BCAR3: variants seen among roughly 807,000 people sequenced by gnomAD.
BCAR3 encodes the protein breast cancer anti-estrogen resistance protein 3.
A neutral mutation model predicts 80.1 loss-of-function variants in BCAR3; 37 were observed. The observed-to-expected ratio is 0.46, with a 90% CI of 0.36 to 0.61. BCAR3 has a LOEUF of 0.61. Ranked by LOEUF, BCAR3 falls within the 20% of genes least tolerant of loss-of-function variation. The pLI, the probability that BCAR3 is intolerant of heterozygous loss-of-function variation, is 0.00. For synonymous variants in BCAR3, 389 were observed against 418.9 expected, an observed-to-expected ratio of 0.93 and a Z score of 0.87; for missense variants, 978 against 1,068.2, an observed-to-expected ratio of 0.92 and a Z score of 1.18.
intron 2 of BCAR3, among the ~76,000 whole-genome samples, chr1:93,760,691 A>G (rs1487138592): frequency 6.6e-6 from 1 of 152,160 alleles, no homozygotes; most frequent in Non-Finnish European, 1.5e-5. Flanking sequence ...AGCTCCACTC[A>G]TGGCCAGGCT....
intron 3 of BCAR3, among the ~76,000 whole-genome samples, chr1:93,609,889 G>A (rs1019143895): frequency 2.6e-5 from 4 of 152,226 alleles, no homozygotes; most frequent in African/African-American, 9.6e-5. Flanking sequence ...CTGCCTCCCT[G>A]CAGGAGGCCA....
intron 2 of BCAR3, among the ~76,000 whole-genome samples, chr1:93,807,671 C>T (rs535309031): frequency 2.6e-5 from 4 of 152,228 alleles, no homozygotes; most frequent in South Asian, 2.1e-4. Context: ...TTAATCTTTC[C>T]TGGTTAGTTG....
intron 3 of BCAR3, among the ~76,000 whole-genome samples, chr1:93,593,471 C>G (rs996444869): frequency 6.6e-6 from 1 of 152,110 alleles, no homozygotes; most frequent in South Asian, 2.1e-4. Flanking sequence ...TGGGCTCAAG[C>G]GATCCTCCCA....
Position 93,835,887 on chromosome 1 carries a change from T to C in BCAR3, c.-63+9680A>G, listed in dbSNP as rs529228632. Among the ~76,000 whole-genome samples the C allele has an allele frequency of 3.3e-5, 5 of 152,272 alleles. No individual in the cohort carries two copies. The East Asian group carries it at 9.7e-4, about 29-fold the overall frequency. On this transcript the variant is annotated intron_variant, in intron 2 of 13. Coordinates refer to the BCAR3 transcript ENST00000370244. ...TGAGAAGGCCACCGCGGTCATTTCT[T>C]CCCTTCTGTCAGACATAATTCCTCA...
At chr1:93,649,554 T>A (rs1676257890) in intron 2 of BCAR3, among the ~76,000 whole-genome samples, 1 of 147,436 alleles carries the variant, frequency 6.8e-6, no homozygotes. Flanking sequence ...AAAAAAAAAA[T>A]CATGTAGCTG....
At chr1:93,715,707 A>G (rs1470344574) in intron 2 of BCAR3, among the ~76,000 whole-genome samples, 1 of 152,226 alleles carries the variant, frequency 6.6e-6, no homozygotes, top group Non-Finnish European at 1.5e-5. Flanking sequence ...ACGCAAGGCA[A>G]TTAACCTGAC....
At chr1:93,677,894 T>A (rs1025038388) in intron 1 of BCAR3, among the ~76,000 whole-genome samples, 6 of 152,150 alleles carry the variant, frequency 3.9e-5, no homozygotes, top group African/African-American at 1.4e-4. Context: ...AGAGAGTAGA[T>A]CCCTTAACTT....
At chr1:93,569,073 G>A (rs776486435) in intron 9 of BCAR3, among the ~76,000 whole-genome samples, 12 of 152,202 alleles carry the variant, frequency 7.9e-5, no homozygotes, top group Non-Finnish European at 1.3e-4. Context: ...CACTGACTCT[G>A]ACTGTCCTAA....
chr1:93,823,710 A>G (rs1654296805), intron 2 of BCAR3, among the ~76,000 whole-genome samples: 3 of 133,480 alleles, frequency 2.2e-5, no homozygotes, highest in Admixed American at 7.7e-5. Flanking sequence ...TGTTGTTGTT[A>G]TTATTTTTTG....
intron 3 of BCAR3, among the ~76,000 whole-genome samples, chr1:93,690,767 A>G (rs1234657791): frequency 6.6e-6 from 1 of 152,250 alleles, no homozygotes; most frequent in Admixed American, 6.5e-5. Context: ...GTTTAGTGCC[A>G]GGCACTTAGT....
At chr1:93,600,726 T>C (rs567305469) in intron 3 of BCAR3, 1 of 152,312 alleles carries the variant, frequency 6.6e-6, no homozygotes, top group South Asian at 2.1e-4. Context: ...CATGCCTTTG[T>C]CTTGTGGTCC....
At chr1:93,568,483 AAATT>A (rs1239244510) in intron 9 of BCAR3, among the ~76,000 whole-genome samples, 1 of 152,234 alleles carries the variant, frequency 6.6e-6, no homozygotes. Context: ...CCTGAATGAA[AAATT>A]ACACTCTTGT....
intron 2 of BCAR3, among the ~76,000 whole-genome samples, chr1:93,736,546 G>C (rs549497835): frequency 6.6e-6 from 1 of 152,206 alleles, no homozygotes; most frequent in South Asian, 2.1e-4. Context: ...AGAATGGTAG[G>C]TGCCCTCAAA....
intron 2 of BCAR3, among the ~76,000 whole-genome samples, chr1:93,732,621 A>C (rs1437084348): frequency 6.6e-6 from 1 of 152,170 alleles, no homozygotes; most frequent in African/African-American, 2.4e-5. Context: ...TGTCTCAAAA[A>C]AAGAAAAAAA....
intron 3 of BCAR3, among the ~76,000 whole-genome samples, chr1:93,601,622 G>T (rs1674626552): frequency 6.6e-6 from 1 of 152,224 alleles, no homozygotes; most frequent in Admixed American, 6.5e-5. Flanking sequence ...AGAGGTCCTT[G>T]TATGTAGATT....
intron 2 of BCAR3, among the ~76,000 whole-genome samples, chr1:93,839,866 A>G (rs1219397644): frequency 2.0e-5 from 3 of 152,192 alleles, no homozygotes; most frequent in Non-Finnish European, 4.4e-5. Flanking sequence ...TTTAAACTTT[A>G]GTGCAAATGA....
At chr1:93,575,156 T>C (rs67354439) in intron 8 of BCAR3, among the ~76,000 whole-genome samples, 25,271 of 152,120 alleles carry the variant, frequency 0.17, 2,293 homozygotes, top group Non-Finnish European at 0.2. Flanking sequence ...TGGTGGCTAC[T>C]GTAATAGCCA....
intron 3 of BCAR3, among the ~76,000 whole-genome samples, chr1:93,620,414 G>T (rs1037824796): frequency 6.6e-6 from 1 of 152,158 alleles, no homozygotes; most frequent in African/African-American, 2.4e-5. Flanking sequence ...TGTATCCACA[G>T]CATCTGCTCA....
intron 2 of BCAR3, among the ~76,000 whole-genome samples, chr1:93,789,998 T>G (rs928463343): frequency 3.9e-5 from 6 of 152,174 alleles, no homozygotes; most frequent in Admixed American, 3.3e-4. Flanking sequence ...CCTTCCCCAT[T>G]TGGTCAGAAG....
Sources: gnomAD v4.1 joint callset for allele counts (sites outside exome capture counted in the v4.1 genomes callset) on GRCh38, gnomAD v4.1.1 for gene constraint, MANE v1.5 for transcripts, NCBI Gene and HGNC (gene_info 2026-07-23, HGNC 2026-07-21) for gene names.